Variants in ANKMY1 observed in about 807,000 individuals in gnomAD.
ANKMY1 encodes ankyrin repeat and MYND domain containing 1, also known as ankyrin repeat and MYND domain-containing protein 1.
A neutral mutation model predicts 102.0 loss-of-function variants in ANKMY1; 98 were observed. The ratio of observed to expected loss-of-function variants is 0.96; its 90% CI spans 0.82 to 1.14. ANKMY1 has a LOEUF of 1.14. ANKMY1 is among the 50% of genes most tolerant of loss of function. The probability of loss-of-function intolerance (pLI) is 0.00; values close to 1 mark genes in which losing one functional copy is unlikely to be tolerated. For missense variants in ANKMY1, 1,330 were observed against 1,347.6 expected (o/e 0.99, Z 0.20); for synonymous variants, 582 against 559.9 (o/e 1.04, Z -0.56).
At chr2:240,489,828 G>A (rs1166660494) in intron 15 of ANKMY1, among the ~76,000 whole-genome samples, 2 of 152,194 alleles carry the variant, frequency 1.3e-5, no homozygotes, top group Non-Finnish European at 2.9e-5. Context: ...ATGGTTTCAG[G>A]AGGATTGGTA....
Position 240,479,439 on chromosome 2 carries a change from C to G in ANKMY1, c.*170G>C. On this transcript the variant is annotated 3_prime_UTR_variant, in exon 18 of 18. Coordinates refer to ENST00000401804, the MANE Select transcript of ANKMY1 (RefSeq NM_001282771.3). ...ACAGCACAGACTGTCAAAATCACCC[C>G]GTGGGGCCAATTTATTGCGAGGTCG... The G allele has an allele frequency of 1.2e-6, 1 of 809,992 alleles. No individual in the cohort carries two copies. Among genetic ancestry groups the G allele is most frequent in the South Asian group, 1.6e-5 (1 of 62,380 alleles). 50.2% of individuals were successfully genotyped at this position (809,992 alleles called of 1,614,324 possible).
chr2:240,541,865 T>C (rs1387140436), intron 4 of ANKMY1, among the ~76,000 whole-genome samples: 4 of 151,956 alleles, frequency 2.6e-5, no homozygotes, highest in African/African-American at 7.3e-5. Flanking sequence ...TCTTCTGGGG[T>C]GCTGTTTGGC....
chr2:240,543,542 C>T (rs555046482), intron 4 of ANKMY1, among the ~76,000 whole-genome samples: 74 of 152,010 alleles, frequency 4.9e-4, no homozygotes, highest in Non-Finnish European at 7.4e-4. Flanking sequence ...TTGATAAGTA[C>T]GACTAATTTA....
intron 16 of ANKMY1, 49 bp from the exon 17 acceptor site, chr2:240,481,146 C>G (rs1027881556): frequency 1.3e-6 from 2 of 1,581,022 alleles, no homozygotes; most frequent in African/African-American, 1.3e-5. Flanking sequence ...GAACCTGCTT[C>G]CCCACAAACA....
chr2:240,559,984 T>C (rs1430692181), upstream of ANKMY1: 1 of 152,250 alleles, frequency 6.6e-6, no homozygotes, highest in Non-Finnish European at 1.5e-5. Context: ...GGACATTAAG[T>C]GATATTAAAT....
intron 4 of ANKMY1, among the ~76,000 whole-genome samples, chr2:240,550,046 G>T (rs2091213594): frequency 6.6e-6 from 1 of 151,598 alleles, no homozygotes; most frequent in African/African-American, 2.4e-5. Context: ...AAATCATGCT[G>T]CTATAAAGAC....
chr2:240,510,351 CCT>C (rs2079939946), intron 11 of ANKMY1, among the ~76,000 whole-genome samples: 1 of 151,998 alleles, frequency 6.6e-6, no homozygotes, highest in South Asian at 2.1e-4. Context: ...TTCCCGCCTC[CCT>C]GACTCCTCCC....
intron 7 of ANKMY1, among the ~76,000 whole-genome samples, chr2:240,525,306 C>G (rs990662474): frequency 6.6e-5 from 10 of 152,242 alleles, no homozygotes. Flanking sequence ...AGGACTGAGA[C>G]CGAACCCCTG....
At chr2:240,471,039 C>T in the ANKMY1 span, among the ~76,000 whole-genome samples, 113 of 152,050 alleles carry the variant, frequency 7.4e-4, no homozygotes, top group South Asian at 1.2e-3. Flanking sequence ...ACCTGGAAAC[C>T]GCAAAGAAAC....
chr2:240,472,693 T>C, the ANKMY1 span, among the ~76,000 whole-genome samples: 1 of 85,870 alleles, frequency 1.2e-5, no homozygotes, highest in Admixed American at 1.0e-4. Context: ...GTGACTAAAC[T>C]AATCCTGGAG....
intron 4 of ANKMY1, chr2:240,532,155 G>C (rs2085567109): frequency 2.2e-6 from 1 of 459,834 alleles, no homozygotes. Flanking sequence ...ACCAAAGAAA[G>C]ACAAAACCTC....
intron 8 of ANKMY1, chr2:240,522,797 C>T (rs2082571167): frequency 6.6e-6 from 1 of 152,266 alleles, no homozygotes; most frequent in South Asian, 2.1e-4. Context: ...AACGCCATCT[C>T]ACGTGAAAAA....
At chr2:240,533,897 C>T (rs2086093614) in intron 4 of ANKMY1, among the ~76,000 whole-genome samples, 1 of 152,164 alleles carries the variant, frequency 6.6e-6, no homozygotes, top group South Asian at 2.1e-4. Context: ...GGAGTCCTTC[C>T]GTATCTGCAG....
intron 11 of ANKMY1, among the ~76,000 whole-genome samples, 188 bp from the exon 12 acceptor site, chr2:240,509,643 G>A (rs2079752953): frequency 6.6e-6 from 1 of 152,162 alleles, no homozygotes; most frequent in African/African-American, 2.4e-5. Context: ...AATGGGTTGG[G>A]AGGTGGATGG....
chr2:240,518,576 C>T (rs995725381), intron 9 of ANKMY1, among the ~76,000 whole-genome samples: 5 of 152,182 alleles, frequency 3.3e-5, no homozygotes, highest in African/African-American at 1.2e-4. Flanking sequence ...GCAGCAGGAT[C>T]TAGACCGAAC....
rs186750871 is a variant in ANKMY1, at chr2:240,488,620, T to C, written c.2807-6359A>G. On this transcript the variant is annotated intron_variant, in intron 15 of 17. Transcript: ENST00000401804. ...CCATGAACATGGGATGTCTTTCCAT[T>C]TTTTTGTGTGTCCTCTTCCATTTCT... Among the ~76,000 whole-genome samples the C allele has an allele frequency of 7.4e-3, 1,131 of 152,338 alleles. 16 individuals are homozygous for C. The highest frequency in any genetic ancestry group is 5.4e-3 in the Non-Finnish European group (367 of 68,030).
chr2:240,510,201 T>G (rs1362290941), intron 11 of ANKMY1, among the ~76,000 whole-genome samples: 2 of 64,270 alleles, frequency 3.1e-5, no homozygotes, highest in African/African-American at 6.0e-5. Context: ...CCTGCCCTCC[T>G]CCCTAGTCCG....
chr2:240,500,273 C>T, intron 14 of ANKMY1, 150 bp from the exon 15 acceptor site: 1 of 1,204,462 alleles, frequency 8.3e-7, no homozygotes, highest in Non-Finnish European at 1.1e-6. Context: ...GCACATACAG[C>T]TGCACCTGGC....
downstream of ANKMY1, among the ~76,000 whole-genome samples, chr2:240,478,160 G>A (rs2074984085): frequency 6.6e-6 from 1 of 152,024 alleles, no homozygotes; most frequent in African/African-American, 2.4e-5. Flanking sequence ...TTCTCCTTCC[G>A]CCATGATTGA....
Sources: gnomAD v4.1 joint callset for allele counts (sites outside exome capture counted in the v4.1 genomes callset) on GRCh38, gnomAD v4.1.1 for gene constraint, MANE v1.5 for transcripts, NCBI Gene and HGNC (gene_info 2026-07-23, HGNC 2026-07-21) for gene names.